The following NEMP2 variants were observed in gnomAD, a reference collection of about 807,000 sequenced individuals.
NEMP2 encodes the protein UPF0571 transmembrane protein.
NEMP2 carries 53 observed loss-of-function variants against 54.2 expected under a neutral mutation model. The observed-to-expected ratio is 0.98, with a 90% confidence interval of 0.78 to 1.23. NEMP2 has a LOEUF of 1.23. NEMP2 is among the 50% of genes most tolerant of loss of function. The pLI is 0.00. For missense variants in NEMP2, 455 were observed against 511.3 expected, an observed-to-expected ratio of 0.89 and a Z score of 1.06; for synonymous variants, 197 against 190.3, an observed-to-expected ratio of 1.04 and a Z score of -0.29.
chr2:190,438,977 C>T, the NEMP2 span, among the ~76,000 whole-genome samples: 1 of 152,080 alleles, frequency 6.6e-6, no homozygotes, highest in African/African-American at 2.4e-5. The surrounding 1 kb of genome is among the most constrained non-coding windows in gnomAD (Gnocchi z 5.2). Context: ...GTTGTCACCA[C>T]CAAAGTCAGG....
the NEMP2 span, among the ~76,000 whole-genome samples, chr2:190,553,882 G>T: frequency 3.3e-5 from 5 of 152,188 alleles, no homozygotes; most frequent in African/African-American, 4.8e-5. Context: ...CAAGATGGCT[G>T]AATAGGAACA....
chr2:190,497,887 T>G, the NEMP2 span: 2 of 748,178 alleles, frequency 2.7e-6, no homozygotes, highest in East Asian at 5.5e-5. The surrounding 1 kb of genome is among the most constrained non-coding windows in gnomAD (Gnocchi z 5.2). Context: ...TTAAAGAGGG[T>G]GTATACAAGG....
chr2:190,515,380 G>A (rs886088689), intron 6 of NEMP2, among the ~76,000 whole-genome samples: 3 of 152,108 alleles, frequency 2.0e-5, no homozygotes, highest in Non-Finnish European at 4.4e-5. Context: ...GAACTGCTAC[G>A]GATTAAAAGC....
chr2:190,431,394 C>T, the NEMP2 span, among the ~76,000 whole-genome samples: 1 of 152,250 alleles, frequency 6.6e-6, no homozygotes, highest in African/African-American at 2.4e-5. This position sits in a 1 kb window ranked among gnomAD's most constrained non-coding sequence, Gnocchi z 4.4. Flanking sequence ...GATCACCCCA[C>T]TGCACTCCAG....
chr2:190,611,203 T>A, the NEMP2 span, among the ~76,000 whole-genome samples: 2,258 of 152,290 alleles, frequency 0.015, 61 homozygotes, highest in African/African-American at 0.051. This position sits in a 1 kb window ranked among gnomAD's most constrained non-coding sequence, Gnocchi z 5.4. Flanking sequence ...TAACATACAC[T>A]AAGATGTATC....
rs535281926 is a variant in NEMP2, at chr2:190,516,650, G to A, written c.613-266C>T. On this transcript the variant is annotated intron_variant, in intron 5 of 8. Transcript: ENST00000409150. ...TTTCAACAAGATTCCCATCTAGCTT[G>A]CATGTACACTGAAGTTGGAGTTATA... is the stretch of plus-strand genomic sequence containing the variant. Among the ~76,000 whole-genome samples, 4 of 152,284 alleles carry A rather than the reference G, an allele frequency of 2.6e-5. No homozygotes were observed. In the East Asian group the frequency reaches 5.8e-4, roughly 22 times the overall value.
the NEMP2 span, among the ~76,000 whole-genome samples, chr2:190,454,805 A>G: frequency 6.6e-6 from 1 of 152,266 alleles, no homozygotes; most frequent in East Asian, 1.9e-4. This position sits in a 1 kb window ranked among gnomAD's most constrained non-coding sequence, Gnocchi z 4.6. Flanking sequence ...TGGGATCCCC[A>G]AAGATTCTAA....
At position 190,518,818 on chromosome 2, in the gene NEMP2, A is replaced by T. The variant is rs187554649; in HGVS notation, c.446-10T>A. ...AGTTTGAAATCCATGACTGGAGTAAAAAAGACACACAAACACATAACAAAG... is the reference window on the plus strand; with the variant it reads ...AGTTTGAAATCCATGACTGGAGTAATAAAGACACACAAACACATAACAAAG... On this transcript the variant is annotated splice_polypyrimidine_tract_variant and intron_variant, in intron 3 of 8. Transcript: ENST00000409150. 1.1e-3 allele frequency: 1,656 copies of T among 1,538,938 alleles called. 2 individuals are homozygous for T. The highest frequency in any genetic ancestry group is 1.4e-3 in the Non-Finnish European group (1,560 of 1,143,996).
the NEMP2 span, among the ~76,000 whole-genome samples, chr2:190,479,076 C>T: frequency 1.3e-5 from 2 of 152,110 alleles, no homozygotes; most frequent in Admixed American, 6.6e-5. Flanking sequence ...TCCTCTCAGG[C>T]CATGTTCATA....
At chr2:190,543,497 C>G in the NEMP2 span, among the ~76,000 whole-genome samples, 2 of 152,176 alleles carry the variant, frequency 1.3e-5, no homozygotes, top group Non-Finnish European at 2.9e-5. This position sits in a 1 kb window ranked among gnomAD's most constrained non-coding sequence, Gnocchi z 4.7. Context: ...TGCCTCAACC[C>G]TTGGGAAGCA....
chr2:190,644,947 TGA>T, the NEMP2 span, among the ~76,000 whole-genome samples: 1 of 152,164 alleles, frequency 6.6e-6, no homozygotes. This position sits in a 1 kb window ranked among gnomAD's most constrained non-coding sequence, Gnocchi z 4.4. Context: ...TCTGGTTTTC[TGA>T]GAGGGGAAAT....
chr2:190,620,876 T>C, the NEMP2 span, among the ~76,000 whole-genome samples: 1 of 152,206 alleles, frequency 6.6e-6, no homozygotes, highest in East Asian at 1.9e-4. This position sits in a 1 kb window ranked among gnomAD's most constrained non-coding sequence, Gnocchi z 4.9. Flanking sequence ...CTAAGGAATC[T>C]ATTAAAAAAC....
In NEMP2 at chr2:190,510,278, T is replaced by C; in HGVS notation, c.1130+83A>G. The stretch of plus-strand genomic sequence containing the variant: ...CCAGGGAAACAGTCTATTTCTACCC[T>C]GAAGTGCCTGTACCAAACCATCATA... On this transcript the variant is annotated intron_variant, in intron 8 of 8. Coordinates refer to ENST00000409150, the MANE Select transcript of NEMP2 (RefSeq NM_001142645.2). This position sits in a 1 kb window ranked among gnomAD's most constrained non-coding sequence, Gnocchi z 5.7. The C allele has an allele frequency of 6.8e-7, 1 of 1,469,446 alleles. No homozygotes were observed. Among genetic ancestry groups the C allele is most frequent in the South Asian group, 1.3e-5 (1 of 77,578 alleles). 91.0% of individuals were successfully genotyped at this position (1,469,446 alleles called of 1,614,324 possible). A position where few individuals can be genotyped will look rare whatever the true frequency, so the allele number is the denominator to read the frequency against.
At chr2:190,432,706 C>T in the NEMP2 span, among the ~76,000 whole-genome samples, 4 of 152,064 alleles carry the variant, frequency 2.6e-5, no homozygotes, top group East Asian at 1.9e-4. Flanking sequence ...CGTGAGCCAC[C>T]GCACCTGGCC....
Position 190,523,853 on chromosome 2 carries a change from T to A in NEMP2, c.213+1410A>T, listed in dbSNP as rs891410352. ...ATTTGTGAGACTATATGGATATAAA[T>A]AAATACATGGGAGGAGGAAAATCTC... On this transcript the variant is annotated intron_variant, in intron 2 of 8. Coordinates refer to ENST00000409150, the MANE Select transcript of NEMP2 (RefSeq NM_001142645.2). The surrounding 1 kb of genome is among the most constrained non-coding windows in gnomAD (Gnocchi z 5.3). Among the ~76,000 whole-genome samples, 19 of 152,066 alleles carry A rather than the reference T, an allele frequency of 1.2e-4. No individual in the cohort carries two copies. The highest frequency in any genetic ancestry group is 2.1e-4 in the Non-Finnish European group (14 of 67,998).
rs1312512904 is a variant in NEMP2 at position 190,527,439 on chromosome 2, C to T, written c.98-2061G>A. 1.3e-5 allele frequency among the ~76,000 whole-genome samples: 2 copies of T among 152,110 alleles called. No individual in the cohort carries two copies. The highest frequency in any genetic ancestry group is 4.8e-5 in the African/African-American group (2 of 41,386). ...CAACTCCATAAAAGGGAGGGTTTTC[C>T]GGTGGCCACACGAAGCAGCAAAATT... On this transcript the variant is annotated intron_variant, in intron 1 of 8. Transcript: ENST00000409150. The surrounding 1 kb of genome is among the most constrained non-coding windows in gnomAD (Gnocchi z 4.0).
At chr2:190,633,057 A>T in the NEMP2 span, among the ~76,000 whole-genome samples, 27 of 151,738 alleles carry the variant, frequency 1.8e-4, no homozygotes, top group Admixed American at 8.5e-4. Flanking sequence ...ATGCCTTCCT[A>T]TTTTTCCCTG....
the NEMP2 span, among the ~76,000 whole-genome samples, chr2:190,599,540 A>G: frequency 6.6e-6 from 1 of 152,220 alleles, no homozygotes; most frequent in Non-Finnish European, 1.5e-5. Flanking sequence ...CAGTAGGAAT[A>G]GTATTAATAT....
chr2:190,470,047 T>G, the NEMP2 span, among the ~76,000 whole-genome samples: 1 of 152,228 alleles, frequency 6.6e-6, no homozygotes, highest in Non-Finnish European at 1.5e-5. Context: ...CTGCTTTGTG[T>G]TGAGCCAAAC....
Sources: allele counts gnomAD v4.1 joint callset (sites outside exome capture counted in the v4.1 genomes callset), GRCh38; gene constraint gnomAD v4.1.1; non-coding constraint Gnocchi (gnomAD v3.1); transcripts MANE v1.5; gene names NCBI Gene and HGNC (gene_info 2026-07-23, HGNC 2026-07-21).